The following SUMF1 variants were observed in gnomAD, a reference collection of about 807,000 sequenced individuals.
The protein encoded by SUMF1 is sulfatase modifying factor 1.
SUMF1 carries 48 observed loss-of-function variants against 47.6 expected under a neutral mutation model. The ratio of observed to expected loss-of-function variants is 1.01; its 90% CI spans 0.80 to 1.28. The LOEUF (loss-of-function observed/expected upper bound fraction) is 1.28, where lower values mean the gene tolerates loss of function less well. Ranked by LOEUF, SUMF1 falls within the 50% of genes most tolerant of loss-of-function variation. The pLI is 0.00. For missense variants in SUMF1, 571 were observed against 485.4 expected (o/e 1.18, Z -1.66); for synonymous variants, 230 against 192.1 (o/e 1.20, Z -1.63).
chr3:4,125,875 C>T (rs1693645053), intron 8 of SUMF1, among the ~76,000 whole-genome samples: 1 of 152,028 alleles, frequency 6.6e-6, no homozygotes, highest in South Asian at 2.1e-4. Flanking sequence ...TAGACTCTTG[C>T]TTTGTTGGCC....
chr3:4,216,562 G>C (rs147559400), intron 8 of SUMF1, among the ~76,000 whole-genome samples: 2,012 of 152,198 alleles, frequency 0.013, 52 homozygotes, highest in African/African-American at 0.046. Context: ...AAATTAAAGA[G>C]CTTCTGCACA....
intron 8 of SUMF1, among the ~76,000 whole-genome samples, chr3:4,131,248 G>C (rs760342464): frequency 6.6e-6 from 1 of 152,136 alleles, no homozygotes; most frequent in Non-Finnish European, 1.5e-5. Flanking sequence ...GACTGGGCTA[G>C]AGCAGGTCAT....
intron 8 of SUMF1, among the ~76,000 whole-genome samples, chr3:4,099,875 A>G (rs901530595): frequency 2.0e-5 from 3 of 151,898 alleles, no homozygotes; most frequent in African/African-American, 4.8e-5. Flanking sequence ...AAAAAAATAC[A>G]TAGGTGTAAA....
intron 8 of SUMF1, among the ~76,000 whole-genome samples, chr3:4,294,912 G>T (rs952980435): frequency 6.6e-6 from 1 of 152,058 alleles, no homozygotes; most frequent in Non-Finnish European, 1.5e-5. Flanking sequence ...AGTTTCCACA[G>T]TCCTCTTCAA....
downstream of SUMF1, among the ~76,000 whole-genome samples, chr3:4,357,469 T>C (rs536712879): frequency 6.6e-5 from 10 of 152,082 alleles, no homozygotes; most frequent in Admixed American, 1.3e-4. Flanking sequence ...ATTTCAGTCA[T>C]TATTTTTTGT....
At chr3:4,202,587 TG>T (rs951136204) in intron 8 of SUMF1, among the ~76,000 whole-genome samples, 4 of 152,014 alleles carry the variant, frequency 2.6e-5, no homozygotes, top group African/African-American at 9.7e-5. Context: ...TTGGCTATTT[TG>T]GGTCTTTTGT....
intron 3 of SUMF1, among the ~76,000 whole-genome samples, chr3:4,448,249 T>C (rs993312777): frequency 6.6e-6 from 1 of 152,174 alleles, no homozygotes; most frequent in African/African-American, 2.4e-5. Flanking sequence ...CATTTTTCTA[T>C]ATTAAAGAGA....
At chr3:4,322,581 C>G (rs115310095) in intron 8 of SUMF1, among the ~76,000 whole-genome samples, 1,790 of 151,862 alleles carry the variant, frequency 0.012, 17 homozygotes, top group African/African-American at 0.036. Flanking sequence ...GATCCCTTGA[C>G]CCTAGGAGCT....
chr3:4,126,516 C>A (rs982903965), intron 8 of SUMF1, among the ~76,000 whole-genome samples: 1 of 152,092 alleles, frequency 6.6e-6, no homozygotes, highest in African/African-American at 2.4e-5. Flanking sequence ...TCACTACATT[C>A]ATCCTTAGTT....
chr3:4,237,353 T>A (rs529571286), intron 8 of SUMF1, among the ~76,000 whole-genome samples: 2 of 152,256 alleles, frequency 1.3e-5, no homozygotes, highest in African/African-American at 4.8e-5. Flanking sequence ...CTCATTTTTT[T>A]AAATTTGCAA....
intron 8 of SUMF1, among the ~76,000 whole-genome samples, chr3:4,071,592 G>C (rs958090663): frequency 5.9e-5 from 9 of 152,184 alleles, no homozygotes; most frequent in East Asian, 3.8e-4. Context: ...AGTCTGAGAC[G>C]ACCTGGGATG....
chr3:4,440,201 C>T (rs938040715), intron 3 of SUMF1, among the ~76,000 whole-genome samples: 1 of 147,532 alleles, frequency 6.8e-6, no homozygotes, highest in East Asian at 2.0e-4. Context: ...GATCATCACA[C>T]CACTGCACTC....
intron 8 of SUMF1, among the ~76,000 whole-genome samples, chr3:4,091,278 G>C (rs1454486024): frequency 1.3e-5 from 2 of 152,022 alleles, no homozygotes; most frequent in African/African-American, 4.8e-5. Flanking sequence ...ACTTACTGTG[G>C]TATCTTCCCA....
intron 8 of SUMF1, among the ~76,000 whole-genome samples, chr3:4,171,335 G>A (rs1048271860): frequency 6.6e-6 from 1 of 152,084 alleles, no homozygotes; most frequent in African/African-American, 2.4e-5. Context: ...CTATAAGTAG[G>A]TCTCCAGAAC....
chr3:4,126,849 A>G (rs957985040), intron 8 of SUMF1, among the ~76,000 whole-genome samples: 1 of 152,222 alleles, frequency 6.6e-6, no homozygotes, highest in African/African-American at 2.4e-5. Context: ...TGAAAGCGGC[A>G]GTAGTCTTAC....
intron 3 of SUMF1, among the ~76,000 whole-genome samples, chr3:4,433,402 T>A (rs1457559915): frequency 6.6e-6 from 1 of 152,218 alleles, no homozygotes; most frequent in Admixed American, 6.5e-5. Flanking sequence ...TATATTAGGT[T>A]CTCACCTTCC....
intron 1 of SUMF1, among the ~76,000 whole-genome samples, chr3:4,454,907 AGAGGCTAGGGG>A (rs1192194214): frequency 6.6e-6 from 1 of 152,222 alleles, no homozygotes; most frequent in African/African-American, 2.4e-5. Context: ...AGTGGTTGCC[AGAGGCTAGGGG>A]GAGGCAGGAA....
intron 8 of SUMF1, among the ~76,000 whole-genome samples, chr3:4,237,844 A>ATACTT (rs1696442820): frequency 6.6e-6 from 1 of 152,164 alleles, no homozygotes; most frequent in Non-Finnish European, 1.5e-5. Flanking sequence ...TGTTTGTTAC[A>ATACTT]TAGGTATACA....
At chr3:4,353,703 A>G (rs1699558236) in intron 8 of SUMF1, among the ~76,000 whole-genome samples, 1 of 152,156 alleles carries the variant, frequency 6.6e-6, no homozygotes, top group African/African-American at 2.4e-5. Flanking sequence ...TTTGACTCAC[A>G]GGCCCCCTGA....
Sources: allele counts gnomAD v4.1 joint callset (sites outside exome capture counted in the v4.1 genomes callset), GRCh38; gene constraint gnomAD v4.1.1; transcripts MANE v1.5; gene names NCBI Gene and HGNC (gene_info 2026-07-23, HGNC 2026-07-21).